The following SMARCA2 variants were observed in gnomAD, a reference collection of about 807,000 sequenced individuals.
SMARCA2 encodes SWI/SNF related BAF chromatin remodeling complex subunit ATPase 2.
Under a neutral mutation model 199.8 loss-of-function variants are expected in SMARCA2, and 61 were observed. The observed-to-expected ratio is 0.31, with a 90% CI of 0.25 to 0.38. The LOEUF (loss-of-function observed/expected upper bound fraction) is 0.38. Ranked by LOEUF, SMARCA2 falls within the 10% of genes least tolerant of loss-of-function variation. The pLI is 1.00. For synonymous variants in SMARCA2, 935 were observed against 732.0 expected (o/e 1.28, Z -4.48); for missense variants, 1,344 against 2,012.2 (o/e 0.67, Z 6.35).
chr9:2,085,247 T>C (rs1821750139), intron 17 of SMARCA2, among the ~76,000 whole-genome samples: 1 of 152,218 alleles, frequency 6.6e-6, no homozygotes, highest in Non-Finnish European at 1.5e-5. Flanking sequence ...TTTTCAATAT[T>C]ACTATGGGAA....
At chr9:2,107,268 C>T (rs1468195585) in intron 23 of SMARCA2, among the ~76,000 whole-genome samples, 2 of 152,126 alleles carry the variant, frequency 1.3e-5, no homozygotes, top group African/African-American at 4.8e-5. Flanking sequence ...ATGACTTAAT[C>T]TTTTTTGTTT....
At chr9:2,041,488 C>G in intron 4 of SMARCA2, 1 of 398,396 alleles carries the variant, frequency 2.5e-6, no homozygotes, top group Non-Finnish European at 4.4e-6. Flanking sequence ...GGGCATGAAT[C>G]CCAATTATGA....
intron 27 of SMARCA2, among the ~76,000 whole-genome samples, chr9:2,150,063 T>C (rs1824982567): frequency 6.6e-6 from 1 of 151,556 alleles, no homozygotes; most frequent in Non-Finnish European, 1.5e-5. Flanking sequence ...TGTATGTGAG[T>C]ACATGCGTCT....
chr9:2,152,333 C>T (rs1422651016), intron 27 of SMARCA2, among the ~76,000 whole-genome samples: 1 of 152,072 alleles, frequency 6.6e-6, no homozygotes, highest in African/African-American at 2.4e-5. Context: ...AGGTGGATCA[C>T]CTGAGGTCAA....
intron 29 of SMARCA2, among the ~76,000 whole-genome samples, chr9:2,171,223 C>G (rs1020622189): frequency 2.6e-5 from 4 of 152,144 alleles, no homozygotes; most frequent in Admixed American, 6.5e-5. Flanking sequence ...ACATTTCTTT[C>G]TCCATTTCGG....
intron 5 of SMARCA2, among the ~76,000 whole-genome samples, chr9:2,051,415 A>G (rs1305523160): frequency 6.6e-6 from 1 of 152,130 alleles, no homozygotes; most frequent in African/African-American, 2.4e-5. Flanking sequence ...CTCTCTCTCC[A>G]GTGCCTAAGT....
At position 2,191,358 on chromosome 9, in the gene SMARCA2, G is replaced by A. The variant is rs1178649368; in HGVS notation, c.4687G>A (p.Ala1563Thr). The change falls in exon 33 of 34, where the codon GCC becomes ACC. Residue 1563 changes from alanine to threonine, a missense_variant. By Grantham distance (58) the Ala-to-Thr change is moderately conservative. This residue lies in a region of SMARCA2 where 155 missense variants were observed against 121.1 expected (regional missense o/e 1.28). Transcript: ENST00000349721. The part of the protein sequence containing the change: ...KGKKRPNRGK[A>T]KPVVSDFDSD... ...CAAGAAAAGGCCAAATCGAGGAAAA[G>A]CCAAACCTGTAGTGAGCGATTTTGA... 1 of 1,614,220 alleles carries A rather than the reference G, an allele frequency of 6.2e-7. No individual in the cohort carries two copies.
In SMARCA2 at chr9:2,150,651, C is replaced by T. The variant is rs538882313; in HGVS notation, c.3982-11035C>T. Reference sequence around the variant, plus strand: ...TCCCATCACTGGATATAGTTAAACACCAGTCCCTCAATGACAAATTTTAGT... The same window carrying T: ...TCCCATCACTGGATATAGTTAAACATCAGTCCCTCAATGACAAATTTTAGT... On this transcript the variant is annotated intron_variant, in intron 27 of 33. Transcript: ENST00000349721. 8.7e-4 allele frequency among the ~76,000 whole-genome samples: 132 copies of T among 151,652 alleles called. 7 individuals are homozygous for T. Among genetic ancestry groups the T allele is most frequent in the Non-Finnish European group, 1.8e-3 (120 of 67,714 alleles).
chr9:2,114,994 G>A (rs1823156818), intron 24 of SMARCA2, among the ~76,000 whole-genome samples: 1 of 151,830 alleles, frequency 6.6e-6, no homozygotes, highest in African/African-American at 2.4e-5. Flanking sequence ...CATACATATA[G>A]TAGGATACTA....
chr9:2,142,147 C>G (rs867383226), intron 27 of SMARCA2, among the ~76,000 whole-genome samples: 12 of 152,186 alleles, frequency 7.9e-5, no homozygotes, highest in Non-Finnish European at 1.5e-4. Flanking sequence ...TGCAGATGCT[C>G]TACCTTTGGG....
chr9:2,136,346 C>T (rs560979431), intron 27 of SMARCA2, among the ~76,000 whole-genome samples: 86 of 152,080 alleles, frequency 5.7e-4, no homozygotes, highest in African/African-American at 1.7e-3. Flanking sequence ...TGCCACCACC[C>T]CTGGCTAATT....
chr9:2,078,324 T>G (rs1821415084), intron 14 of SMARCA2, among the ~76,000 whole-genome samples: 1 of 152,022 alleles, frequency 6.6e-6, no homozygotes, highest in African/African-American at 2.4e-5. Flanking sequence ...ATACAAAAAT[T>G]AGCTGGGTGT....
At chr9:2,026,054 C>T (rs1363342752) in intron 1 of SMARCA2, among the ~76,000 whole-genome samples, 2 of 152,102 alleles carry the variant, frequency 1.3e-5, no homozygotes, top group African/African-American at 4.8e-5. Context: ...CTATCCTGAG[C>T]CTAGAGGAAG....
intron 33 of SMARCA2, 92 bp downstream of exon 33, chr9:2,191,500 T>G (rs138293855): frequency 2.9e-6 from 4 of 1,374,458 alleles, no homozygotes; most frequent in Non-Finnish European, 4.1e-6. Context: ...CCTTTTCGCT[T>G]TATTACCCAG....
At chr9:2,186,306 G>A (rs147822476) in intron 32 of SMARCA2, 78 bp downstream of exon 32, 1 of 1,430,646 alleles carries the variant, frequency 7.0e-7, no homozygotes, top group Non-Finnish European at 9.4e-7. Flanking sequence ...GTTCACAGAA[G>A]AGACTTTAGA....
intron 29 of SMARCA2, among the ~76,000 whole-genome samples, chr9:2,173,609 C>G (rs1826378278): frequency 6.6e-6 from 1 of 152,166 alleles, no homozygotes; most frequent in African/African-American, 2.4e-5. Flanking sequence ...TGTAGAGTAG[C>G]AGCCTCCTGA....
chr9:2,040,667 A>G (rs1358310850), intron 4 of SMARCA2: 2 of 152,254 alleles, frequency 1.3e-5, no homozygotes, highest in East Asian at 3.8e-4. Flanking sequence ...TGTAAGAGGC[A>G]CTGCATGACA....
chr9:2,133,955 T>A (rs1252081547), intron 27 of SMARCA2, among the ~76,000 whole-genome samples: 1 of 152,216 alleles, frequency 6.6e-6, no homozygotes, highest in Non-Finnish European at 1.5e-5. Flanking sequence ...GGACCTTGTG[T>A]CACCTCTCAT....
chr9:2,073,875 A>T (rs749355898), intron 12 of SMARCA2, among the ~76,000 whole-genome samples: 2 of 152,222 alleles, frequency 1.3e-5, no homozygotes, highest in Non-Finnish European at 2.9e-5. Flanking sequence ...CCAAGAGAAG[A>T]GAAGCTGGCA....
Sources: allele counts gnomAD v4.1 joint callset (sites outside exome capture counted in the v4.1 genomes callset), GRCh38; gene constraint gnomAD v4.1.1; regional missense constraint gnomAD v4.1.1; transcripts MANE v1.5; gene names NCBI Gene and HGNC (gene_info 2026-07-23, HGNC 2026-07-21).